Variants in RRM1 observed in about 807,000 individuals in gnomAD.
The protein encoded by RRM1 is ribonucleotide reductase catalytic subunit M1.
A neutral mutation model predicts 101.5 loss-of-function variants in RRM1; 19 were observed. The ratio of observed to expected loss-of-function variants is 0.19; its 90% CI spans 0.13 to 0.27. RRM1 has a LOEUF of 0.27. Among genes scored for constraint, RRM1 ranks in the 10% least tolerant of loss-of-function variants. The pLI is 1.00. For missense variants in RRM1, 500 were observed against 962.9 expected (o/e 0.52, Z 6.36); for synonymous variants, 298 against 323.4 (o/e 0.92, Z 0.84).
intron 9 of RRM1, among the ~76,000 whole-genome samples, chr11:4,121,054 T>C (rs900699894): frequency 6.6e-6 from 1 of 152,148 alleles, no homozygotes; most frequent in Non-Finnish European, 1.5e-5. Flanking sequence ...AAACTCTCCC[T>C]AATTGATAGA....
chr11:4,133,980 A>T (rs1195245377), intron 17 of RRM1, among the ~76,000 whole-genome samples: 2 of 90,866 alleles, frequency 2.2e-5, no homozygotes, highest in Non-Finnish European at 2.0e-5. Flanking sequence ...CCAGACATCA[A>T]TTTTTTTTTT....
intron 12 of RRM1, among the ~76,000 whole-genome samples, chr11:4,124,757 A>G (rs2094586849): frequency 1.3e-5 from 2 of 152,142 alleles, no homozygotes; most frequent in South Asian, 4.1e-4. Context: ...GGCTCACTGC[A>G]ACCTCAACAG....
chr11:4,105,527 A>G, intron 2 of RRM1: 2 of 393,992 alleles, frequency 5.1e-6, no homozygotes, highest in South Asian at 1.9e-5. Flanking sequence ...CACTGTGCCC[A>G]ACCTGTCGTT....
At chr11:4,118,541 A>G (rs1340738556) in intron 8 of RRM1, 80 bp downstream of exon 8, 9 of 1,486,208 alleles carry the variant, frequency 6.1e-6, no homozygotes, top group East Asian at 2.3e-5. Flanking sequence ...GGCATATGCT[A>G]TTTTTTGGGA....
intron 11 of RRM1, among the ~76,000 whole-genome samples, chr11:4,122,497 T>A (rs531153929): frequency 1.3e-4 from 20 of 152,324 alleles, no homozygotes; most frequent in African/African-American, 3.6e-4. Context: ...TTTTGCTCTG[T>A]CATATAGTAC....
In RRM1 at chr11:4,126,824, T is replaced by C. The variant is rs572098942; in HGVS notation, c.1461T>C (p.Pro487=). The C allele has an allele frequency of 1.9e-6, 3 of 1,609,558 alleles. No individual in the cohort carries two copies. The highest frequency in any genetic ancestry group is 1.1e-5 in the South Asian group (1 of 90,196). Residue 487 remains proline (P), a synonymous_variant, in exon 13 of 19, where the codon CCT becomes CCC. Transcript: ENST00000300738. ...AAATTATTGATATAAACTACTATCC[T>C]GTACCAGAGGTATGAATAGATTTCT... ...LNKIIDINYY[P]VPEACLSNKR...
At chr11:4,130,320 G>A (rs1417725316) in intron 15 of RRM1, among the ~76,000 whole-genome samples, 1 of 151,716 alleles carries the variant, frequency 6.6e-6, no homozygotes, top group African/African-American at 2.4e-5. Context: ...CTTGTTAATG[G>A]TGTGTATTTT....
chr11:4,105,068 G>A (rs2094556457), intron 2 of RRM1, among the ~76,000 whole-genome samples: 1 of 152,118 alleles, frequency 6.6e-6, no homozygotes. Flanking sequence ...ATTTCCCTGT[G>A]AGACTAATCG....
intron 7 of RRM1, among the ~76,000 whole-genome samples, chr11:4,116,726 T>C (rs566570033): frequency 2.0e-5 from 3 of 151,944 alleles, no homozygotes; most frequent in African/African-American, 7.2e-5. Flanking sequence ...ATTCCAACAC[T>C]CTGGGAGGCC....
chr11:4,101,090 G>C (rs961874930), intron 1 of RRM1, among the ~76,000 whole-genome samples: 1 of 152,136 alleles, frequency 6.6e-6, no homozygotes, highest in Admixed American at 6.5e-5. Context: ...AGCACAGAAG[G>C]GGAAGGGGGA....
intron 15 of RRM1, 118 bp downstream of exon 15, chr11:4,129,268 TA>T: frequency 1.8e-6 from 1 of 565,238 alleles, no homozygotes; most frequent in Non-Finnish European, 3.1e-6. Context: ...CAAATGGGGC[TA>T]AAATGGCCTA....
At chr11:4,118,647 G>C (rs1270704606) in intron 8 of RRM1, among the ~76,000 whole-genome samples, 186 bp downstream of exon 8, 1 of 152,116 alleles carries the variant, frequency 6.6e-6, no homozygotes, top group African/African-American at 2.4e-5. Flanking sequence ...TAGATATTTA[G>C]ATTTGACTAG....
In RRM1 at chr11:4,119,893, A is replaced by C; in HGVS notation, c.841A>C (p.Asn281His). Residue 281 changes from asparagine to histidine, a missense_variant, in exon 9 of 19, where the codon AAC (asparagine) becomes CAC (histidine). By Grantham distance (68) the Asn-to-His change is moderately conservative. Around this residue, in one of 9 missense-constraint regions of RRM1, gnomAD observed 111 missense variants for 219.8 expected, o/e 0.51. Coordinates refer to ENST00000300738, the MANE Select transcript of RRM1 (RefSeq NM_001033.5). ...TGTACCGATGCTGAGAGTATATAAC[A>C]ACACAGCTCGATATGTGGATCAAGG... ...GLVPMLRVYN[N>H]TARYVDQGGN... is the part of the protein sequence containing the mutation. The C allele has an allele frequency of 6.2e-7, 1 of 1,607,046 alleles. No individual in the cohort carries two copies. Among genetic ancestry groups the C allele is most frequent in the Non-Finnish European group, 8.5e-7 (1 of 1,173,964 alleles).
In RRM1 at chr11:4,109,674, G is replaced by T. The variant is rs2133294927; in HGVS notation, c.418G>T (p.Asp140Tyr). The T allele has an allele frequency of 1.2e-6, 2 of 1,608,528 alleles. No individual in the cohort carries two copies. Among genetic ancestry groups the T allele is most frequent in the Non-Finnish European group, 1.7e-6 (2 of 1,177,354 alleles). The change falls in exon 5 of 19, where the codon GAT becomes TAT. Residue 140 changes from aspartate (D) to tyrosine (Y), a missense_variant. This residue lies in a region of RRM1 where 111 missense variants were observed against 219.8 expected (regional missense o/e 0.51). Transcript: ENST00000300738. The part of the protein sequence containing the change: ...RLNSAIIYDR[D>Y]FSYNYFGFKT... ...GAATTCTGCTATTATCTATGACCGA[G>T]ATTTCTCTTACAATTACTTCGGCTT...
At chr11:4,102,422 C>T (rs1200647539) in intron 2 of RRM1, among the ~76,000 whole-genome samples, 1 of 152,102 alleles carries the variant, frequency 6.6e-6, no homozygotes, top group African/African-American at 2.4e-5. Flanking sequence ...CTTTGGGAGG[C>T]TGAGGTGGGC....
chr11:4,112,523 C>T (rs2094567034), intron 7 of RRM1, among the ~76,000 whole-genome samples: 1 of 152,264 alleles, frequency 6.6e-6, no homozygotes, highest in Non-Finnish European at 1.5e-5. Flanking sequence ...GCCACCACAC[C>T]CAGCCAATTT....
rs191407780 is a variant in RRM1 at position 4,099,950 on chromosome 11, C to A, written c.20-2043C>A. ...CTTTTTGCTAAGTTGCTTTCCCCCC[C>A]CACTGCATGTATAATTGCAGAACGC... On this transcript the variant is annotated intron_variant, in intron 1 of 18. Coordinates refer to ENST00000300738, the MANE Select transcript of RRM1 (RefSeq NM_001033.5). 8.6e-5 allele frequency among the ~76,000 whole-genome samples: 13 copies of A among 152,024 alleles called. No homozygotes were observed. In the East Asian group the frequency reaches 2.5e-3, roughly 29 times the overall value.
chr11:4,109,554 A>T, intron 4 of RRM1, 90 bp from the exon 5 acceptor site: 1 of 901,812 alleles, frequency 1.1e-6, no homozygotes, highest in Non-Finnish European at 1.7e-6. Context: ...TGTTGATTTT[A>T]GTTCTGGAGT....
chr11:4,109,721 A>T lies in RRM1; in HGVS notation c.447+18A>T. ...GCTTTAAGGTAAATAATGGGTTTCA[A>T]GTATGTGGGAATTTATACTTAAATC... On this transcript the variant is annotated intron_variant, in intron 5 of 18. Coordinates refer to ENST00000300738, the MANE Select transcript of RRM1 (RefSeq NM_001033.5). The T allele has an allele frequency of 6.4e-7, 1 of 1,559,766 alleles. No homozygotes were observed. Among genetic ancestry groups the T allele is most frequent in the Non-Finnish European group, 8.8e-7 (1 of 1,140,582 alleles).
Sources: allele counts gnomAD v4.1 joint callset (sites outside exome capture counted in the v4.1 genomes callset), GRCh38; gene constraint gnomAD v4.1.1; regional missense constraint gnomAD v4.1.1; transcripts MANE v1.5; gene names NCBI Gene and HGNC (gene_info 2026-07-23, HGNC 2026-07-21).